Variants in SLC2A2 observed in about 807,000 individuals in gnomAD.
SLC2A2 encodes solute carrier family 2 member 2.
A neutral mutation model predicts 54.5 loss-of-function variants in SLC2A2; 36 were observed. That is an observed-to-expected ratio of 0.66 (90% CI 0.51 to 0.87). The LOEUF (loss-of-function observed/expected upper bound fraction) is 0.87. SLC2A2 is among the 40% of genes least tolerant of loss of function. The pLI is 0.00. For missense variants in SLC2A2, 543 were observed against 624.3 expected, an observed-to-expected ratio of 0.87 and a Z score of 1.39; for synonymous variants, 223 against 219.1, an observed-to-expected ratio of 1.02 and a Z score of -0.16.
rs1379944645 is a variant in SLC2A2, at chr3:170,998,001, C to A, written c.1477G>T (p.Glu493Ter). The change falls in exon 11 of 11, where the codon GAG becomes TAG. Residue 493 changes from glutamate (E) to a stop codon, truncating the protein, a stop_gained. Coordinates refer to ENST00000314251, the MANE Select transcript of SLC2A2 (RefSeq NM_000340.2). LOFTEE classifies it low-confidence loss of function (END_TRUNC). The stretch of plus-strand genomic sequence containing the variant: ...TTTTGGAATTCTGCAGCAATTTCCT[C>A]AAAAGACTTTCCTTTGGTTTCTGGA... ...KVPETKGKSF[E>*]EIAAEFQKKS... 1 of 1,613,682 alleles carries A rather than the reference C, an allele frequency of 6.2e-7. No homozygotes were observed.
chr3:170,999,840 TTCTTA>T (rs997407035), intron 8 of SLC2A2, among the ~76,000 whole-genome samples: 1 of 152,106 alleles, frequency 6.6e-6, no homozygotes, highest in African/African-American at 2.4e-5. Flanking sequence ...TTAAAATGCT[TTCTTA>T]TCTTAACTGA....
chr3:171,007,176 G>C lies in SLC2A2; in HGVS notation c.584C>G (p.Ala195Gly). Residue 195 changes from alanine to glycine, a missense_variant, in exon 5 of 11, where the codon GCC (alanine) becomes GGC (glycine). By Grantham distance (60) the Ala-to-Gly change is moderately conservative. Coordinates refer to ENST00000314251, the MANE Select transcript of SLC2A2 (RefSeq NM_000340.2). ...RGALGTFHQLAIVTGILISQI... is the reference protein window; with the variant it reads ...RGALGTFHQLGIVTGILISQI... ...ACTAATAAGAATGCCCGTGACGATGGCCAGCTGATGAAAAGTGCCAAGTGC... is the reference window on the plus strand; with the variant it reads ...ACTAATAAGAATGCCCGTGACGATGCCCAGCTGATGAAAAGTGCCAAGTGC... 6.2e-7 allele frequency: 1 copy of C among 1,611,770 alleles called. No individual in the cohort carries two copies. The highest frequency in any genetic ancestry group is 2.2e-5 in the East Asian group (1 of 44,816).
At chr3:171,009,883 G>T in intron 4 of SLC2A2, 75 bp downstream of exon 4, 3 of 1,519,114 alleles carry the variant, frequency 2.0e-6, no homozygotes, top group Non-Finnish European at 1.8e-6. Context: ...TACCACATCC[G>T]CCTTTAGAGT....
chr3:171,006,065 C>T lies in SLC2A2; in HGVS notation c.653G>A (p.Trp218Ter). Reference sequence around the variant, plus strand: ...ACCAGACAGGCCAAGCAGGATGTGCCACAGATCATAATTGCCCAAGATAAA... The same window carrying T: ...ACCAGACAGGCCAAGCAGGATGTGCTACAGATCATAATTGCCCAAGATAAA... ...LEFILGNYDLWHILLGLSGVR... is the reference protein window; with the variant it reads ...LEFILGNYDL Residue 218 changes from tryptophan (W) to a stop codon, truncating the protein, a stop_gained, in exon 6 of 11, where the codon TGG becomes TAG. Coordinates refer to ENST00000314251, the MANE Select transcript of SLC2A2 (RefSeq NM_000340.2). LOFTEE classifies it high-confidence loss of function. 1 of 1,612,480 alleles carries T rather than the reference C, an allele frequency of 6.2e-7. No homozygotes were observed. The highest frequency in any genetic ancestry group is 8.5e-7 in the Non-Finnish European group (1 of 1,179,020).
chr3:171,013,227 A>T (rs1715971540), intron 3 of SLC2A2, among the ~76,000 whole-genome samples: 1 of 152,152 alleles, frequency 6.6e-6, no homozygotes, highest in South Asian at 2.1e-4. Context: ...TTACTTTAGC[A>T]ATAAATAATT....
chr3:171,005,106 A>G (rs755157479), intron 7 of SLC2A2, among the ~76,000 whole-genome samples, 179 bp downstream of exon 7: 18 of 152,026 alleles, frequency 1.2e-4, no homozygotes, highest in Admixed American at 7.2e-4. Context: ...TTGTTAAGTA[A>G]TTTTAGAAAA....
At chr3:171,018,381 C>T (rs1716252697) in intron 2 of SLC2A2, 150 bp downstream of exon 2, 1 of 689,888 alleles carries the variant, frequency 1.4e-6, no homozygotes, top group Non-Finnish European at 2.7e-6. Context: ...GCCAAGTTAT[C>T]AGCTTTGGAA....
Position 171,009,912 on chromosome 3 carries a change from G to GGTGTGTGT in SLC2A2, c.496+38_496+45dup, listed in dbSNP as rs71176588. On this transcript the variant is annotated intron_variant, in intron 4 of 10. Transcript: ENST00000314251. Reference sequence around the variant, plus strand: ...TTAGAGTTACTTTCAGACAAAGGTAGGTGTGTGTGTGTGTGTGTGTGTGTG... The same window carrying GGTGTGTGT: ...TTAGAGTTACTTTCAGACAAAGGTAGGTGTGTGTGTGTGTGTGTGTGTGTGTGTGTGTG... The GGTGTGTGT allele has an allele frequency of 1.8e-3, 2,421 of 1,324,688 alleles. 11 individuals are homozygous for GGTGTGTGT. The highest frequency in any genetic ancestry group is 0.012 in the African/African-American group (547 of 47,320). 82.1% of individuals were successfully genotyped at this position (1,324,688 alleles called of 1,614,324 possible). A position where few individuals can be genotyped will look rare whatever the true frequency, so the allele number is the denominator to read the frequency against.
chr3:170,999,142 G>T lies in SLC2A2; in HGVS notation c.1093C>A (p.Arg365=), dbSNP rs121909742. The part of the protein sequence containing the change: ...VSVFLVEKAG[R]RSLFLIGMSG... Reference sequence around the variant, plus strand: ...ATTCCAATTAGAAAGAGAGAACGTCGCCCTGCCTTCTCCACAAGGAATACC... The same window carrying T: ...ATTCCAATTAGAAAGAGAGAACGTCTCCCTGCCTTCTCCACAAGGAATACC... The change falls in exon 9 of 11, where the codon CGA becomes AGA. Residue 365 remains arginine (R), a synonymous_variant. Transcript: ENST00000314251. 1.2e-6 allele frequency: 2 copies of T among 1,611,690 alleles called. No homozygotes were observed. The highest frequency in any genetic ancestry group is 1.7e-6 in the Non-Finnish European group (2 of 1,178,116).
At chr3:171,022,495 A>G (rs985466743) in intron 1 of SLC2A2, among the ~76,000 whole-genome samples, 1 of 152,228 alleles carries the variant, frequency 6.6e-6, no homozygotes, top group Non-Finnish European at 1.5e-5. Context: ...CAAAAGTCCA[A>G]AAAGGCAAAG....
chr3:171,013,300 A>T (rs1330382258), intron 3 of SLC2A2, among the ~76,000 whole-genome samples: 1 of 152,078 alleles, frequency 6.6e-6, no homozygotes, highest in Non-Finnish European at 1.5e-5. Flanking sequence ...TTATTTTTGA[A>T]TTTTTTTAAA....
chr3:171,006,951 A>G (rs1363030298), intron 5 of SLC2A2, among the ~76,000 whole-genome samples, 197 bp downstream of exon 5: 4 of 151,954 alleles, frequency 2.6e-5, no homozygotes, highest in African/African-American at 9.7e-5. Flanking sequence ...GAAAAACTCT[A>G]TGTCTCTACA....
chr3:171,008,046 C>T (rs1715692191), intron 4 of SLC2A2, among the ~76,000 whole-genome samples: 2 of 152,060 alleles, frequency 1.3e-5, no homozygotes, highest in African/African-American at 2.4e-5. Flanking sequence ...CAGCCATTTG[C>T]TGACTGCATA....
Position 170,998,054 on chromosome 3 carries a change from G to A in SLC2A2, c.1424C>T (p.Ala475Val), listed in dbSNP as rs1715168107. The A allele has an allele frequency of 1.2e-6, 2 of 1,613,638 alleles. No individual in the cohort carries two copies. The highest frequency in any genetic ancestry group is 1.7e-6 in the Non-Finnish European group (2 of 1,179,788). Residue 475 changes from alanine (A) to valine (V), a missense_variant, in exon 11 of 11, where the codon GCC becomes GTC. Physicochemically the swap from Ala to Val is moderately conservative, Grantham distance 64. Transcript: ENST00000314251. The part of the protein sequence containing the change: ...VFFLFAGVLL[A>V]FTLFTFFKVP... Reference sequence around the variant, plus strand: ...TTTAAAAAATGTGAACAGGGTAAAGGCCAGGAGCACTCCAGCAAAGAGGAA... The same window carrying A: ...TTTAAAAAATGTGAACAGGGTAAAGACCAGGAGCACTCCAGCAAAGAGGAA...
chr3:171,014,664 T>C lies in SLC2A2; in HGVS notation c.176A>G (p.Tyr59Cys). The C allele has an allele frequency of 6.2e-7, 1 of 1,614,030 alleles. No homozygotes were observed. Among genetic ancestry groups the C allele is most frequent in the Non-Finnish European group, 8.5e-7 (1 of 1,179,886 alleles). ...CAGTTCATCTGTACTGTTGATAACA[T>C]AGTTGTTGATAGCTTTTCGGTCATC... ...PLDDRKAINNYVINSTDELPT... is the reference protein window; with the variant it reads ...PLDDRKAINNCVINSTDELPT... Residue 59 changes from tyrosine to cysteine, a missense_variant, in exon 3 of 11, where the codon TAT becomes TGT. Physicochemically the swap from Tyr to Cys is radical, Grantham distance 194. Coordinates refer to ENST00000314251, the MANE Select transcript of SLC2A2 (RefSeq NM_000340.2).
chr3:171,020,139 G>A (rs1716386174), intron 1 of SLC2A2, among the ~76,000 whole-genome samples: 1 of 152,144 alleles, frequency 6.6e-6, no homozygotes, highest in Non-Finnish European at 1.5e-5. Flanking sequence ...ATTGTGGGGT[G>A]ATAGTAAATC....
chr3:171,002,439 A>G lies in SLC2A2; in HGVS notation c.1068+137T>C, dbSNP rs1330875584. On this transcript the variant is annotated intron_variant, in intron 8 of 10. Transcript: ENST00000314251. The stretch of plus-strand genomic sequence containing the variant: ...GGCTTATTCAAACAGGACTCTTCTC[A>G]TGACTCACTTGGGTTTACACACTTA... 3 of 695,116 alleles carry G rather than the reference A, an allele frequency of 4.3e-6. No homozygotes were observed. In the Admixed American group the frequency reaches 6.1e-5, roughly 14 times the overall value. 43.1% of individuals were successfully genotyped at this position (695,116 alleles called of 1,614,324 possible).
intron 2 of SLC2A2, among the ~76,000 whole-genome samples, chr3:171,016,399 G>A (rs1270125414): frequency 2.0e-5 from 3 of 152,146 alleles, no homozygotes; most frequent in African/African-American, 4.8e-5. Flanking sequence ...CAGCCTGGAT[G>A]ACAGAGTGAG....
rs1217666649 is a variant in SLC2A2, at chr3:171,014,645, A to C, written c.195T>G (p.Asp65Glu). 3.1e-6 allele frequency: 5 copies of C among 1,614,106 alleles called. No homozygotes were observed. The highest frequency in any genetic ancestry group is 1.3e-5 in the African/African-American group (1 of 75,048). ...TTGAGTATGAGATTGTGGGCAGTTCATCTGTACTGTTGATAACATAGTTGT... is the reference window on the plus strand; with the variant it reads ...TTGAGTATGAGATTGTGGGCAGTTCCTCTGTACTGTTGATAACATAGTTGT... ...AINNYVINST[D>E]ELPTISYSMN... The change falls in exon 3 of 11, where the codon GAT becomes GAG. Residue 65 changes from aspartate (D) to glutamate (E), a missense_variant. Asp to Glu is a conservative substitution (Grantham distance 45, BLOSUM62 2). Coordinates refer to ENST00000314251, the MANE Select transcript of SLC2A2 (RefSeq NM_000340.2).
Sources: allele counts gnomAD v4.1 joint callset (sites outside exome capture counted in the v4.1 genomes callset), GRCh38; gene constraint gnomAD v4.1.1; transcripts MANE v1.5; gene names NCBI Gene and HGNC (gene_info 2026-07-23, HGNC 2026-07-21).